The following RFX7 variants were observed in gnomAD, a reference collection of about 807,000 sequenced individuals.
The protein encoded by RFX7 is regulatory factor X7.
In RFX7, 26 loss-of-function variants were observed where a neutral mutation model predicts 111.8. The ratio of observed to expected loss-of-function variants is 0.23; its 90% confidence interval spans 0.17 to 0.32. RFX7 has a LOEUF of 0.32. Among genes scored for constraint, RFX7 ranks in the 10% least tolerant of loss-of-function variants. The pLI is 1.00. For missense variants in RFX7, 1,573 were observed against 1,772.9 expected (o/e 0.89, Z 2.02); for synonymous variants, 624 against 624.4 (o/e 1.00, Z 0.01).
At chr15:56,242,878 A>C (rs1409980635) in intron 2 of RFX7, among the ~76,000 whole-genome samples, 3 of 152,156 alleles carry the variant, frequency 2.0e-5, no homozygotes, top group African/African-American at 7.2e-5. Flanking sequence ...AAAACCAAAA[A>C]ACTTGTTTAT....
chr15:56,158,448 T>C (rs2042680811), intron 3 of RFX7, among the ~76,000 whole-genome samples: 1 of 152,148 alleles, frequency 6.6e-6, no homozygotes, highest in Non-Finnish European at 1.5e-5. Flanking sequence ...TATCAACAAG[T>C]ATAGAAAATT....
At chr15:56,159,173 T>C (rs1456966114) in intron 3 of RFX7, among the ~76,000 whole-genome samples, 1 of 152,202 alleles carries the variant, frequency 6.6e-6, no homozygotes, top group Non-Finnish European at 1.5e-5. Flanking sequence ...ATAACAGAAG[T>C]TCCCCCCTTT....
At chr15:56,140,388 G>A (rs144170055) in intron 5 of RFX7, among the ~76,000 whole-genome samples, 5,718 of 152,124 alleles carry the variant, frequency 0.038, 355 homozygotes, top group African/African-American at 0.12. Context: ...TCCAGGTGCC[G>A]TCCGTCACCC....
chr15:56,154,090 T>A (rs2141059562), intron 3 of RFX7, among the ~76,000 whole-genome samples: 1 of 151,800 alleles, frequency 6.6e-6, no homozygotes, highest in South Asian at 2.1e-4. Flanking sequence ...ACGTGAAGGA[T>A]TTCAAGGAGA....
chr15:56,104,966 G>A (rs2041811075), intron 5 of RFX7, among the ~76,000 whole-genome samples: 2 of 152,168 alleles, frequency 1.3e-5, no homozygotes, highest in South Asian at 4.1e-4. Context: ...GGTCTTGCAA[G>A]GTTGAAGGAG....
chr15:56,164,506 T>C (rs1452194736), intron 3 of RFX7, among the ~76,000 whole-genome samples: 2 of 152,154 alleles, frequency 1.3e-5, no homozygotes, highest in East Asian at 1.9e-4. Flanking sequence ...ACTAGGAAGG[T>C]TATACCCAGG....
intron 2 of RFX7, among the ~76,000 whole-genome samples, chr15:56,198,159 G>C (rs1272144102): frequency 4.6e-5 from 7 of 152,094 alleles, no homozygotes; most frequent in Non-Finnish European, 8.8e-5. Flanking sequence ...ATTCAGAATA[G>C]TCACTTGGTT....
intron 3 of RFX7, among the ~76,000 whole-genome samples, chr15:56,171,954 T>A (rs1461781838): frequency 6.6e-6 from 1 of 151,990 alleles, no homozygotes; most frequent in East Asian, 1.9e-4. Flanking sequence ...TGGACAAATA[T>A]AGACAAAATG....
intron 4 of RFX7, among the ~76,000 whole-genome samples, chr15:56,143,372 C>T (rs997527630): frequency 7.3e-5 from 11 of 151,694 alleles, no homozygotes; most frequent in African/African-American, 1.9e-4. Flanking sequence ...CACACACACA[C>T]ACATATATAT....
At chr15:56,189,049 C>G (rs972431242) in intron 2 of RFX7, among the ~76,000 whole-genome samples, 1 of 152,116 alleles carries the variant, frequency 6.6e-6, no homozygotes. Context: ...GAACTCCTGA[C>G]CTCAGGTGAT....
intron 2 of RFX7, among the ~76,000 whole-genome samples, chr15:56,218,579 G>A (rs941557911): frequency 3.3e-5 from 5 of 152,200 alleles, no homozygotes; most frequent in Non-Finnish European, 7.3e-5. Flanking sequence ...ACTGCTCGCT[G>A]TATGGCATCT....
chr15:56,129,340 A>C (rs961342610), intron 5 of RFX7, among the ~76,000 whole-genome samples: 3 of 151,090 alleles, frequency 2.0e-5, no homozygotes, highest in Non-Finnish European at 4.4e-5. Context: ...GCAACACAGC[A>C]CTCCAGCCTA....
chr15:56,183,659 TG>T (rs1377762396), intron 2 of RFX7, among the ~76,000 whole-genome samples: 2 of 152,190 alleles, frequency 1.3e-5, no homozygotes, highest in East Asian at 3.8e-4. Flanking sequence ...TGACCCCCCT[TG>T]TTCATTTCCA....
chr15:56,227,604 A>G (rs937664368), intron 2 of RFX7, among the ~76,000 whole-genome samples: 2 of 152,146 alleles, frequency 1.3e-5, no homozygotes, highest in Non-Finnish European at 2.9e-5. Flanking sequence ...ATAACACTAT[A>G]CTGCTTCACG....
At chr15:56,101,039 T>A (rs1394479220) in intron 8 of RFX7, among the ~76,000 whole-genome samples, 1 of 152,170 alleles carries the variant, frequency 6.6e-6, no homozygotes. Context: ...TACATATATG[T>A]ACATATAAAA....
At chr15:56,142,247 A>T (rs2042410855) in intron 5 of RFX7, among the ~76,000 whole-genome samples, 1 of 152,190 alleles carries the variant, frequency 6.6e-6, no homozygotes, top group Non-Finnish European at 1.5e-5. Context: ...GATTTAAATA[A>T]ATTGTAAATA....
chr15:56,168,633 C>G (rs932123733), intron 3 of RFX7, among the ~76,000 whole-genome samples: 1 of 152,162 alleles, frequency 6.6e-6, no homozygotes, highest in African/African-American at 2.4e-5. Context: ...TTTTCTTCCT[C>G]TGGTTTAGAC....
chr15:56,209,825 T>C (rs2043292591), intron 2 of RFX7, among the ~76,000 whole-genome samples: 1 of 151,724 alleles, frequency 6.6e-6, no homozygotes, highest in Non-Finnish European at 1.5e-5. Context: ...GAAATATAAC[T>C]AGTATGCCAA....
At position 56,156,404 on chromosome 15, in the gene RFX7, G is replaced by A. The variant is rs921091125; in HGVS notation, c.196-11921C>T. ...TTTTGGCATGTTTGCTTCTGATCTT[G>A]GACTTAATCTATTTAACAGCATATA... On this transcript the variant is annotated intron_variant, in intron 3 of 9. Coordinates refer to ENST00000559447, the MANE Select transcript of RFX7 (RefSeq NM_022841.7). 8.5e-5 allele frequency among the ~76,000 whole-genome samples: 13 copies of A among 152,058 alleles called. No individual in the cohort carries two copies. In the East Asian group the frequency reaches 2.3e-3, roughly 27 times the overall value.
Sources: allele counts gnomAD v4.1 joint callset (sites outside exome capture counted in the v4.1 genomes callset), GRCh38; gene constraint gnomAD v4.1.1; transcripts MANE v1.5; gene names NCBI Gene and HGNC (gene_info 2026-07-23, HGNC 2026-07-21).